The following DLG3 variants were observed in gnomAD, a reference collection of about 807,000 sequenced individuals.
DLG3 encodes the protein disks large homolog 3.
A neutral mutation model predicts 64.1 loss-of-function variants in DLG3; 1 was observed. The ratio of observed to expected loss-of-function variants is 0.02; its 90% CI spans 0.01 to 0.07. The LOEUF (loss-of-function observed/expected upper bound fraction) is 0.07, where lower values mean the gene tolerates loss of function less well. DLG3 is among the 10% of genes least tolerant of loss of function. The pLI is 1.00. For missense variants in DLG3, 429 were observed against 669.5 expected (o/e 0.64, Z 3.96); for synonymous variants, 245 against 259.8 (o/e 0.94, Z 0.55).
rs759021119 is a variant in DLG3, at chrX:70,502,062, T to C, written c.2348-101T>C. 39 of 627,695 alleles carry C rather than the reference T, an allele frequency of 6.2e-5. No individual in the cohort carries two copies. The South Asian group carries it at 9.2e-4, about 15-fold the overall frequency. 51.7% of individuals were successfully genotyped at this position (627,695 alleles called of 1,213,427 possible). ...GTCCTTCATGTGAGGGGTGAGGGGG[T>C]GGAGGGGGGACTTGTAGGATTGTTG... On this transcript the variant is annotated intron_variant, in intron 18 of 18. Coordinates refer to ENST00000374360, the MANE Select transcript of DLG3 (RefSeq NM_021120.4).
intron 9 of DLG3, among the ~76,000 whole-genome samples, chrX:70,457,031 C>T (rs1171321651): frequency 1.8e-5 from 2 of 111,522 alleles, no homozygotes; most frequent in African/African-American, 6.5e-5. Flanking sequence ...TTTTTTTCTT[C>T]ACGTGAATGT....
chrX:70,489,614 G>A (rs753189090), intron 10 of DLG3, among the ~76,000 whole-genome samples: 13 of 111,849 alleles, frequency 1.2e-4, no homozygotes, highest in Admixed American at 3.8e-4. Flanking sequence ...GAAGTAAACT[G>A]TTACATCAAT....
In DLG3 at chrX:70,471,023, C is replaced by CT. The variant is rs1234693665; in HGVS notation, c.1406-8116dup. Reference sequence around the variant, plus strand: ...GGGTGAAAGGAGAAAGTTTGTATTCCTTTTTTTTTTTACATTTGTTCCTGA... The same window carrying CT: ...GGGTGAAAGGAGAAAGTTTGTATTCCTTTTTTTTTTTTACATTTGTTCCTGA... On this transcript the variant is annotated intron_variant, in intron 9 of 18. Transcript: ENST00000374360. Among the ~76,000 whole-genome samples the CT allele has an allele frequency of 7.7e-3, 801 of 103,965 alleles. 5 individuals are homozygous for CT. The highest frequency in any genetic ancestry group is 0.025 in the African/African-American group (716 of 28,779). The allele number at this position is 103,965 out of a possible 115,157, so 90.3% of individuals were successfully genotyped here.
intron 9 of DLG3, among the ~76,000 whole-genome samples, chrX:70,468,325 C>T (rs1414377035): frequency 9.0e-6 from 1 of 111,717 alleles, no homozygotes; most frequent in Admixed American, 9.6e-5. Context: ...CCGCTTCGGC[C>T]TCCCAAAGTG....
At chrX:70,445,598 G>A in intron 1 of DLG3, 40 bp downstream of exon 1, 1 of 1,128,167 alleles carries the variant, frequency 8.9e-7, no homozygotes, top group Non-Finnish European at 1.2e-6. Flanking sequence ...GGCAACCCAG[G>A]AGGGCTGGAG....
chrX:70,487,794 G>A (rs2087281597), intron 10 of DLG3, among the ~76,000 whole-genome samples: 2 of 109,686 alleles, frequency 1.8e-5, no homozygotes, highest in South Asian at 8.1e-4. Flanking sequence ...TGGGATTACA[G>A]GCATGCACCA....
chrX:70,492,463 A>T (rs2087375398), intron 11 of DLG3, 58 bp from the exon 12 acceptor site: 21 of 1,163,865 alleles, frequency 1.8e-5, no homozygotes, highest in Non-Finnish European at 2.3e-5. Context: ...GCCTGCTGCA[A>T]CCCACTGCTG....
intron 7 of DLG3, chrX:70,452,736 C>A (rs769261082): frequency 4.2e-6 from 5 of 1,193,025 alleles, no homozygotes; most frequent in South Asian, 1.9e-5. Context: ...CCGCTCCCTG[C>A]GGCCCGGAGG....
At chrX:70,452,220 A>T (rs977259763) in intron 7 of DLG3, 194 bp downstream of exon 7, 10 of 1,083,128 alleles carry the variant, frequency 9.2e-6, no homozygotes, top group Non-Finnish European at 1.2e-5. Context: ...GGCTGCAGGG[A>T]CAAGCTCTAC....
In DLG3 at chrX:70,502,169, T is replaced by C. The variant is rs2087576962; in HGVS notation, c.2354T>C (p.Val785Ala). ...QEFGEYFTAI[V>A]QGDSLEEIYN... ...GTTTTCCTCTTCACTTTAGCCATTG[T>C]ACAGGGTGACTCACTGGAAGAGATT... Residue 785 changes from valine (V) to alanine (A), a missense_variant, in exon 19 of 19, where the codon GTA becomes GCA. By Grantham distance (64) the Val-to-Ala change is moderately conservative (BLOSUM62 0). Around this residue, in one of 9 missense-constraint regions of DLG3, gnomAD observed 48 missense variants for 69.5 expected, o/e 0.69. Coordinates refer to ENST00000374360, the MANE Select transcript of DLG3 (RefSeq NM_021120.4). 4.2e-6 allele frequency: 5 copies of C among 1,201,918 alleles called. No homozygotes were observed. Among genetic ancestry groups the C allele is most frequent in the Non-Finnish European group, 5.6e-6 (5 of 888,607 alleles).
chrX:70,467,582 T>A (rs2086905312), intron 9 of DLG3, among the ~76,000 whole-genome samples: 1 of 112,003 alleles, frequency 8.9e-6, no homozygotes, highest in Non-Finnish European at 1.9e-5. Context: ...GTGACAACTG[T>A]GAAGAACATT....
intron 9 of DLG3, among the ~76,000 whole-genome samples, chrX:70,472,589 C>T (rs753200339): frequency 1.7e-4 from 19 of 111,149 alleles, no homozygotes; most frequent in Non-Finnish European, 2.8e-4. Flanking sequence ...AATTAGAGAG[C>T]TTCCCAGTAT....
chrX:70,477,619 G>A (rs1447941175), intron 9 of DLG3, among the ~76,000 whole-genome samples: 1 of 110,953 alleles, frequency 9.0e-6, no homozygotes, highest in Non-Finnish European at 1.9e-5. Context: ...CCCACCCCCC[G>A]CAACGTTTAA....
chrX:70,504,891 C>T lies in DLG3; in HGVS notation c.*2622C>T, dbSNP rs2087626934. 1.8e-5 allele frequency: 2 copies of T among 112,341 alleles called. No homozygotes were observed. Among genetic ancestry groups the T allele is most frequent in the Admixed American group, 1.9e-4 (2 of 10,602 alleles). The allele number at this position is 112,341 out of a possible 1,213,427, so 9.3% of individuals were successfully genotyped here. A position where few individuals can be genotyped will look rare whatever the true frequency, so the allele number is the denominator to read the frequency against. ...GAGCAGGCAGTTCTGGCAGTTCTGACGTGGCAGGTGCCATTGCAACTTGTG... is the reference window on the plus strand; with the variant it reads ...GAGCAGGCAGTTCTGGCAGTTCTGATGTGGCAGGTGCCATTGCAACTTGTG... On this transcript the variant is annotated 3_prime_UTR_variant, in exon 19 of 19. Transcript: ENST00000374360.
In DLG3 at chrX:70,445,094, T is replaced by G; in HGVS notation, c.-108T>G. 5 of 613,483 alleles carry G rather than the reference T, an allele frequency of 8.2e-6. No individual in the cohort carries two copies. Among genetic ancestry groups the G allele is most frequent in the East Asian group, 4.0e-5 (1 of 24,695 alleles). The allele number at this position is 613,483 out of a possible 1,213,427, so 50.6% of individuals were successfully genotyped here. Reference sequence around the variant, plus strand: ...GCCCCCCCCTTCTTGGTCCGAGCAGTGTGAGTGTGCCAGGGAGCCCGGCGG... The same window carrying G: ...GCCCCCCCCTTCTTGGTCCGAGCAGGGTGAGTGTGCCAGGGAGCCCGGCGG... On this transcript the variant is annotated 5_prime_UTR_variant, in exon 1 of 19. Coordinates refer to ENST00000374360, the MANE Select transcript of DLG3 (RefSeq NM_021120.4).
At chrX:70,466,939 G>T (rs1026288636) in intron 9 of DLG3, among the ~76,000 whole-genome samples, 2 of 110,973 alleles carry the variant, frequency 1.8e-5, no homozygotes, top group Non-Finnish European at 3.8e-5. Context: ...TAGAGACAGG[G>T]TCTGGCTTTG....
Position 70,445,477 on chromosome X carries a change from C to A in DLG3, c.276C>A (p.Gly92=). The A allele has an allele frequency of 8.3e-7, 1 of 1,201,963 alleles. No individual in the cohort carries two copies. The highest frequency in any genetic ancestry group is 1.1e-6 in the Non-Finnish European group (1 of 891,037). ...CGGTGCCTCCTAAGCCAGTCCCGGG[C>A]AAGAGCACCCCCAAACTCAACGGCA... is the stretch of plus-strand genomic sequence containing the variant. ...VGPVPPKPVP[G]KSTPKLNGSG... Residue 92 remains glycine, a synonymous_variant, in exon 1 of 19, where the codon GGC becomes GGA. Transcript: ENST00000374360.
In DLG3 at chrX:70,458,475, A is replaced by G. The variant is rs556901823; in HGVS notation, c.1405+4159A>G. ...TTTTTTTATTTGTTAATTTATTTGT[A>G]GAAACAGGGTCTCACTATATTGCCC... is the stretch of plus-strand genomic sequence containing the variant. On this transcript the variant is annotated intron_variant, in intron 9 of 18. Transcript: ENST00000374360. 8.4e-4 allele frequency among the ~76,000 whole-genome samples: 93 copies of G among 111,335 alleles called. 3 individuals carry two copies. In the South Asian group the frequency reaches 0.035, roughly 42 times the overall value.
intron 7 of DLG3, 137 bp downstream of exon 7, chrX:70,452,163 T>C: frequency 9.3e-7 from 1 of 1,073,644 alleles, no homozygotes. Flanking sequence ...GGCTTTGGGG[T>C]CCGAGGCCCT....
Sources: gnomAD v4.1 joint callset for allele counts (sites outside exome capture counted in the v4.1 genomes callset) on GRCh38, gnomAD v4.1.1 for gene constraint, gnomAD v4.1.1 regional missense constraint, MANE v1.5 for transcripts, NCBI Gene and HGNC (gene_info 2026-07-23, HGNC 2026-07-21) for gene names.